Variants in BMPER observed in about 807,000 individuals in gnomAD.
BMPER encodes BMP-binding endothelial regulator protein.
Under a neutral mutation model 87.3 loss-of-function variants are expected in BMPER, and 45 were observed. The observed-to-expected ratio is 0.52, with a 90% confidence interval of 0.41 to 0.66. The LOEUF (loss-of-function observed/expected upper bound fraction) is 0.66. BMPER is among the 30% of genes least tolerant of loss of function. The pLI, the probability that BMPER is intolerant of heterozygous loss-of-function variation, is 0.00. For missense variants in BMPER, 784 were observed against 867.5 expected, an observed-to-expected ratio of 0.90 and a Z score of 1.21; for synonymous variants, 326 against 316.2, an observed-to-expected ratio of 1.03 and a Z score of -0.33.
chr7:34,006,452 A>G (rs1355846298), intron 6 of BMPER, among the ~76,000 whole-genome samples: 5 of 152,082 alleles, frequency 3.3e-5, no homozygotes, highest in Non-Finnish European at 7.4e-5. Flanking sequence ...ATCATTTGCC[A>G]AAAGAGAGGA....
In BMPER at chr7:34,079,135, C is replaced by T; in HGVS notation, c.1357C>T (p.His453Tyr). ...CATCGCGCTCCCCTGCCGCGCGCCA[C>T]ACTTCCACATCGACCTGGATGGCTA... Reference protein sequence around the residue: ...SRIALPCRAPHFHIDLDGYLL... With the variant: ...SRIALPCRAPYFHIDLDGYLL... The change falls in exon 12 of 15, where the codon CAC (histidine) becomes TAC (tyrosine). Residue 453 changes from histidine to tyrosine, a missense_variant. His to Tyr is a moderately conservative substitution (Grantham distance 83). Transcript: ENST00000649409. The T allele has an allele frequency of 6.2e-7, 1 of 1,614,012 alleles. No homozygotes were observed. The highest frequency in any genetic ancestry group is 8.5e-7 in the Non-Finnish European group (1 of 1,180,010).
At chr7:33,949,263 T>C (rs1784963141) in intron 3 of BMPER, among the ~76,000 whole-genome samples, 1 of 152,192 alleles carries the variant, frequency 6.6e-6, no homozygotes, top group South Asian at 2.1e-4. Flanking sequence ...CTGCATACAA[T>C]ATCTTAAATA....
Position 34,046,325 on chromosome 7 carries a change from T to C in BMPER, c.596T>C (p.Val199Ala), listed in dbSNP as rs766106851. Reference protein sequence around the residue: ...CSCTGGRTQCVREVCPILSCP... With the variant: ...CSCTGGRTQCAREVCPILSCP... ...TCTTAGGGAGGCAGGACACAATGTG[T>C]GAGAGAAGTCTGTCCCATTCTCTCC... Residue 199 changes from valine to alanine, a missense_variant, in exon 7 of 15, where the codon GTG becomes GCG. Val to Ala is a moderately conservative substitution (Grantham distance 64). Coordinates refer to ENST00000649409, the MANE Select transcript of BMPER (RefSeq NM_001365308.1). 3 of 1,613,912 alleles carry C rather than the reference T, an allele frequency of 1.9e-6. No individual in the cohort carries two copies. In the South Asian group the frequency reaches 3.3e-5, roughly 18 times the overall value.
chr7:34,061,980 T>C (rs372519207), intron 10 of BMPER, 22 bp from the exon 11 acceptor site: 109 of 1,574,498 alleles, frequency 6.9e-5, no homozygotes, highest in Non-Finnish European at 8.7e-7. Context: ...AGTAACTTTG[T>C]ATTTGTTTTT....
intron 13 of BMPER, among the ~76,000 whole-genome samples, chr7:34,094,617 C>T (rs1333278917): frequency 2.6e-5 from 4 of 152,220 alleles, no homozygotes; most frequent in African/African-American, 9.6e-5. Flanking sequence ...TGCAGCCAGA[C>T]TGCCTGGGTC....
chr7:33,966,627 C>A, intron 4 of BMPER, 66 bp downstream of exon 4: 1 of 1,476,688 alleles, frequency 6.8e-7, no homozygotes, highest in Non-Finnish European at 9.4e-7. Flanking sequence ...GTCACCCCTT[C>A]ACACAACATA....
chr7:34,036,411 T>A (rs1174868967), intron 6 of BMPER, among the ~76,000 whole-genome samples: 1 of 152,144 alleles, frequency 6.6e-6, no homozygotes, highest in Non-Finnish European at 1.5e-5. Context: ...CTTGTTTATT[T>A]ATTGATCGTT....
chr7:33,984,004 T>C (rs1410613005), intron 6 of BMPER, among the ~76,000 whole-genome samples: 1 of 152,174 alleles, frequency 6.6e-6, no homozygotes, highest in East Asian at 1.9e-4. Flanking sequence ...GTCTCCATAA[T>C]GCCAGTGTGA....
chr7:34,149,893 C>CA (rs1400112951), intron 14 of BMPER, among the ~76,000 whole-genome samples: 29 of 152,078 alleles, frequency 1.9e-4, no homozygotes, highest in Non-Finnish European at 2.6e-4. Flanking sequence ...TAAATTCTTC[C>CA]CCAAAGTCTG....
intron 6 of BMPER, 141 bp from the exon 7 acceptor site, chr7:34,046,165 G>T: frequency 1.2e-6 from 1 of 800,198 alleles, no homozygotes; most frequent in East Asian, 2.6e-5. Flanking sequence ...AGGACGCTTG[G>T]GGAAAATCAC....
chr7:34,028,356 G>C (rs184925710), intron 6 of BMPER, among the ~76,000 whole-genome samples: 86 of 151,934 alleles, frequency 5.7e-4, no homozygotes, highest in African/African-American at 2.0e-3. Flanking sequence ...ATGGGTTTTT[G>C]TTATTTAAAA....
At chr7:33,936,818 A>G (rs1414580418) in intron 2 of BMPER, among the ~76,000 whole-genome samples, 1 of 152,158 alleles carries the variant, frequency 6.6e-6, no homozygotes, top group African/African-American at 2.4e-5. Context: ...TCATTATTTG[A>G]GTTGGAACTT....
intron 13 of BMPER, among the ~76,000 whole-genome samples, chr7:34,126,177 G>T (rs184745056): frequency 2.0e-5 from 3 of 152,326 alleles, no homozygotes; most frequent in Admixed American, 2.0e-4. Flanking sequence ...CCTGAAATTT[G>T]AAAAGGAGAG....
chr7:33,913,021 C>T (rs1783999080), intron 2 of BMPER, among the ~76,000 whole-genome samples: 1 of 152,146 alleles, frequency 6.6e-6, no homozygotes, highest in South Asian at 2.1e-4. Flanking sequence ...GATTCTTGCC[C>T]ACAGCCTAAT....
chr7:34,088,696 T>TGGAG (rs1789288373), intron 13 of BMPER, among the ~76,000 whole-genome samples: 1 of 152,148 alleles, frequency 6.6e-6, no homozygotes. Context: ...CTGAGGCCAG[T>TGGAG]GGAGGGTACA....
chr7:33,914,244 C>T (rs1784037504), intron 2 of BMPER, among the ~76,000 whole-genome samples: 1 of 152,150 alleles, frequency 6.6e-6, no homozygotes, highest in African/African-American at 2.4e-5. Flanking sequence ...GGACTACAGG[C>T]GTGAGCCACC....
At chr7:34,124,023 A>T (rs368710948) in intron 13 of BMPER, among the ~76,000 whole-genome samples, 35 of 152,296 alleles carry the variant, frequency 2.3e-4, no homozygotes, top group African/African-American at 8.4e-4. Flanking sequence ...TTGAATGTAC[A>T]TTTGCCCTTG....
At chr7:34,097,435 A>G (rs1223488849) in intron 13 of BMPER, among the ~76,000 whole-genome samples, 3 of 152,152 alleles carry the variant, frequency 2.0e-5, no homozygotes, top group Non-Finnish European at 4.4e-5. Context: ...TCCACCATTA[A>G]CTATGGGCAG....
intron 13 of BMPER, among the ~76,000 whole-genome samples, chr7:34,086,849 A>G (rs1159845136): frequency 6.6e-6 from 1 of 152,172 alleles, no homozygotes; most frequent in African/African-American, 2.4e-5. Flanking sequence ...TTTACTACAC[A>G]ATTCCATGGG....
Sources: allele counts gnomAD v4.1 joint callset (sites outside exome capture counted in the v4.1 genomes callset), GRCh38; gene constraint gnomAD v4.1.1; transcripts MANE v1.5; gene names NCBI Gene and HGNC (gene_info 2026-07-23, HGNC 2026-07-21).